The following RHAG variants were observed in gnomAD, a reference collection of about 807,000 sequenced individuals.
RHAG encodes the protein ammonium transporter Rh type A.
RHAG carries 25 observed loss-of-function variants against 42.4 expected under a neutral mutation model. The ratio of observed to expected loss-of-function variants is 0.59; its 90% CI spans 0.43 to 0.82. The LOEUF (loss-of-function observed/expected upper bound fraction) is 0.82, where lower values mean the gene tolerates loss of function less well. RHAG is among the 40% of genes least tolerant of loss of function. The pLI is 0.00. For missense variants in RHAG, 483 were observed against 504.6 expected, an observed-to-expected ratio of 0.96 and a Z score of 0.41; for synonymous variants, 182 against 177.7, an observed-to-expected ratio of 1.02 and a Z score of -0.19.
At chr6:49,616,666 A>T (rs995373427) in intron 3 of RHAG, among the ~76,000 whole-genome samples, 1 of 152,164 alleles carries the variant, frequency 6.6e-6, no homozygotes, top group Non-Finnish European at 1.5e-5. Context: ...AAGATGACAC[A>T]CATCTATTTA....
At chr6:49,626,248 G>C (rs1475739111) in intron 1 of RHAG, among the ~76,000 whole-genome samples, 1 of 152,148 alleles carries the variant, frequency 6.6e-6, no homozygotes, top group South Asian at 2.1e-4. Context: ...CCTTCCACCT[G>C]TGAGTCTGTA....
At chr6:49,607,271 A>C in intron 7 of RHAG, 51 bp from the exon 8 acceptor site, 1 of 1,472,792 alleles carries the variant, frequency 6.8e-7, no homozygotes, top group Non-Finnish European at 9.4e-7. Flanking sequence ...TCTCAGCCAA[A>C]GAAAGTCTCA....
intron 1 of RHAG, among the ~76,000 whole-genome samples, chr6:49,624,947 T>G (rs1024225912): frequency 6.6e-6 from 1 of 152,214 alleles, no homozygotes; most frequent in African/African-American, 2.4e-5. Context: ...AAAATCAATT[T>G]TATCTCTATG....
At chr6:49,624,096 C>T (rs1256035433) in intron 1 of RHAG, among the ~76,000 whole-genome samples, 3 of 152,104 alleles carry the variant, frequency 2.0e-5, no homozygotes, top group South Asian at 2.1e-4. Context: ...AGTATAAAAG[C>T]GAAGAAATCT....
intron 1 of RHAG, among the ~76,000 whole-genome samples, chr6:49,628,232 C>A (rs190316876): frequency 1.3e-5 from 2 of 152,138 alleles, no homozygotes; most frequent in Admixed American, 1.3e-4. Flanking sequence ...ACATAACTCA[C>A]TACAGCCTTG....
Position 49,611,129 on chromosome 6 carries a change from T to C in RHAG, c.962A>G (p.Lys321Arg). ...YKFLTPLFTT[K>R]LRIHDTCGVH... ...CCCACATGTATCATGGATCCTCAGT[T>C]TAGTAGTAAAAAGTGGCTAAAATTA... The change falls in exon 7 of 10, where the codon AAA becomes AGA. Residue 321 changes from lysine to arginine, a missense_variant. Physicochemically the swap from Lys to Arg is conservative, Grantham distance 26. Coordinates refer to ENST00000371175, the MANE Select transcript of RHAG (RefSeq NM_000324.3). 6.2e-7 allele frequency: 1 copy of C among 1,613,434 alleles called. No individual in the cohort carries two copies.
At chr6:49,621,380 C>G (rs57555109) in intron 1 of RHAG, among the ~76,000 whole-genome samples, 1 of 152,120 alleles carries the variant, frequency 6.6e-6, no homozygotes, top group Non-Finnish European at 1.5e-5. Context: ...CATGAGCAAC[C>G]GCTTGTCTCA....
rs759954283 is a variant in RHAG, at chr6:49,636,787, G to A, written c.26C>T (p.Ala9Val). MRFTFPLM[A>V]IVLEIAMIVL... ...AATCATGGCAATTTCCAGGACTATA[G>A]CCATGAGAGGGAATGTGAACCTCAT... The change falls in exon 1 of 10, where the codon GCT becomes GTT. Residue 9 changes from alanine (A) to valine (V), a missense_variant. Transcript: ENST00000371175. 1.9e-6 allele frequency: 3 copies of A among 1,613,858 alleles called. No individual in the cohort carries two copies. In the South Asian group the frequency reaches 3.3e-5, roughly 18 times the overall value.
At chr6:49,619,122 G>T (rs1238313168) in intron 2 of RHAG, 57 bp downstream of exon 2, 22 of 1,574,598 alleles carry the variant, frequency 1.4e-5, no homozygotes, top group Non-Finnish European at 1.7e-5. Flanking sequence ...GAGGTTAAGA[G>T]TGTAATATAT....
At chr6:49,622,986 C>A (rs539162487) in intron 1 of RHAG, among the ~76,000 whole-genome samples, 28 of 151,954 alleles carry the variant, frequency 1.8e-4, no homozygotes, top group African/African-American at 6.8e-4. Flanking sequence ...CAGGCGTCCG[C>A]CACTACGCCT....
rs578017228 is a variant in RHAG, at chr6:49,612,827, G to A, written c.808-293C>T. ...CAAAAGATGTTGTAGTGGGAGGGTA[G>A]GAGTGTTTAGAGCAAATATTCTCGC... is the stretch of plus-strand genomic sequence containing the variant. On this transcript the variant is annotated intron_variant, in intron 5 of 9. Transcript: ENST00000371175. 3.3e-5 allele frequency among the ~76,000 whole-genome samples: 5 copies of A among 152,256 alleles called. No homozygotes were observed. In the South Asian group the frequency reaches 1.0e-3, roughly 32 times the overall value.
intron 1 of RHAG, among the ~76,000 whole-genome samples, chr6:49,619,793 T>C (rs954057877): frequency 2.6e-5 from 4 of 152,244 alleles, no homozygotes; most frequent in African/African-American, 9.6e-5. Flanking sequence ...CATGCTATAA[T>C]AGCATTTATT....
chr6:49,635,745 C>T (rs1210370301), intron 1 of RHAG, among the ~76,000 whole-genome samples: 1 of 152,000 alleles, frequency 6.6e-6, no homozygotes, highest in Non-Finnish European at 1.5e-5. Context: ...ATATTAATTC[C>T]CTCAAAAAAT....
chr6:49,614,727 G>A lies in RHAG; in HGVS notation c.767C>T (p.Ala256Val). ...TCGGTGCTCCACTAGGCTGGAGAAG[G>A]CAAAGGCTGTGAGCACACAGGCAGC... ...SLAACVLTAF[A>V]FSSLVEHRGK... The change falls in exon 5 of 10, where the codon GCC (alanine) becomes GTC (valine). Residue 256 changes from alanine to valine, a missense_variant. Transcript: ENST00000371175. 1.2e-6 allele frequency: 2 copies of A among 1,614,050 alleles called. No homozygotes were observed. The highest frequency in any genetic ancestry group is 1.7e-6 in the Non-Finnish European group (2 of 1,180,002).
chr6:49,617,003 T>A (rs1364851171), intron 3 of RHAG, among the ~76,000 whole-genome samples: 1 of 152,158 alleles, frequency 6.6e-6, no homozygotes, highest in Non-Finnish European at 1.5e-5. Context: ...CCTTCTCTGT[T>A]TTTCCCTTTG....
rs142202277 is a variant in RHAG, at chr6:49,609,227, C to G, written c.1067+1797G>C. Among the ~76,000 whole-genome samples, 361 of 152,088 alleles carry G rather than the reference C, an allele frequency of 2.4e-3. 1 individual carries two copies. Among genetic ancestry groups the G allele is most frequent in the African/African-American group, 8.4e-3 (349 of 41,482 alleles). On this transcript the variant is annotated intron_variant, in intron 7 of 9. Coordinates refer to ENST00000371175, the MANE Select transcript of RHAG (RefSeq NM_000324.3). ...GCACCTTCAAGGCTTGCCCCCCTTC[C>G]CCTCTTCTGATATTCCTCTGCCTCC...
intron 1 of RHAG, among the ~76,000 whole-genome samples, chr6:49,629,845 CG>C (rs1421820615): frequency 4.3e-5 from 4 of 93,618 alleles, no homozygotes; most frequent in Non-Finnish European, 8.8e-5. Flanking sequence ...GCTCCGAGTG[CG>C]GGGCCCGCCA....
intron 1 of RHAG, among the ~76,000 whole-genome samples, chr6:49,629,643 G>C (rs1295715763): frequency 6.6e-6 from 1 of 152,266 alleles, no homozygotes; most frequent in South Asian, 2.1e-4. Context: ...AGCCCATGGA[G>C]GGGGTGGGGG....
At chr6:49,620,193 C>T (rs772994234) in intron 1 of RHAG, among the ~76,000 whole-genome samples, 1 of 152,180 alleles carries the variant, frequency 6.6e-6, no homozygotes, top group Non-Finnish European at 1.5e-5. Context: ...GGGCAAGTCA[C>T]TTACTCTCTA....
Sources: allele counts gnomAD v4.1 joint callset (sites outside exome capture counted in the v4.1 genomes callset), GRCh38; gene constraint gnomAD v4.1.1; transcripts MANE v1.5; gene names NCBI Gene and HGNC (gene_info 2026-07-23, HGNC 2026-07-21).